PHF20: variants seen among roughly 807,000 people sequenced by gnomAD.
PHF20 encodes the protein glioma-expressed antigen 2.
PHF20 carries 23 observed loss-of-function variants against 113.5 expected under a neutral mutation model. The observed-to-expected ratio is 0.20, with a 90% CI of 0.15 to 0.29. The LOEUF (loss-of-function observed/expected upper bound fraction) is 0.29, where lower values mean the gene tolerates loss of function less well. Among genes scored for constraint, PHF20 ranks in the 10% least tolerant of loss-of-function variants. PHF20 has a pLI of 1.00. For missense variants in PHF20, 943 were observed against 1,219.6 expected, an observed-to-expected ratio of 0.77 and a Z score of 3.38; for synonymous variants, 434 against 457.3, an observed-to-expected ratio of 0.95 and a Z score of 0.65.
chr20:35,815,997 C>G (rs1403979832), intron 2 of PHF20, among the ~76,000 whole-genome samples: 2 of 152,114 alleles, frequency 1.3e-5, no homozygotes, highest in African/African-American at 2.4e-5. Flanking sequence ...CGCTCAGTCC[C>G]CCAGACTAGA....
chr20:35,775,754 C>CA (rs11167276), intron 1 of PHF20, among the ~76,000 whole-genome samples: 71,632 of 85,476 alleles, frequency 0.84, 30,130 homozygotes, highest in Admixed American at 0.89. Flanking sequence ...ACTCTGTCTC[C>CA]AAAAAAAAAA....
At chr20:35,919,182 A>G (rs1403730368) in intron 13 of PHF20, among the ~76,000 whole-genome samples, 1 of 151,592 alleles carries the variant, frequency 6.6e-6, no homozygotes, top group Non-Finnish European at 1.5e-5. Context: ...ACGCCCGGCT[A>G]ATTTTTGTAT....
In PHF20 at chr20:35,947,555, C is replaced by T. The variant is rs1253833165; in HGVS notation, c.2967C>T (p.Leu989=). The T allele has an allele frequency of 1.2e-6, 2 of 1,614,096 alleles. No homozygotes were observed. The highest frequency in any genetic ancestry group is 1.7e-6 in the Non-Finnish European group (2 of 1,179,988). The stretch of plus-strand genomic sequence containing the variant: ...AGCCGCTGGCCAGGCTTCCGCAGCT[C>T]AAGCATTGTATCAAGCAGCTGCTGA... ...PPEPLARLPQ[L]KHCIKQLLMD... Residue 989 remains leucine (L), a synonymous_variant, in exon 18 of 18, where the codon CTC becomes CTT. Transcript: ENST00000374012.
chr20:35,931,856 C>T lies in PHF20; in HGVS notation c.2300+412C>T, dbSNP rs192644171. 5.4e-3 allele frequency among the ~76,000 whole-genome samples: 815 copies of T among 151,728 alleles called. 9 individuals carry two copies. Among genetic ancestry groups the T allele is most frequent in the African/African-American group, 0.019 (779 of 41,418 alleles). ...ATCTCAGCTACTTGGGAGGCTGAGG[C>T]GGGAGCATCGCTTGAACCCGGGAGG... On this transcript the variant is annotated intron_variant, in intron 15 of 17. Coordinates refer to ENST00000374012, the MANE Select transcript of PHF20 (RefSeq NM_016436.5).
intron 13 of PHF20, among the ~76,000 whole-genome samples, chr20:35,927,368 A>G (rs1036054857): frequency 2.6e-5 from 4 of 152,220 alleles, no homozygotes; most frequent in African/African-American, 9.6e-5. Context: ...CATATGACCC[A>G]TTGAATCTTC....
intron 9 of PHF20, among the ~76,000 whole-genome samples, chr20:35,896,795 G>A (rs1479832712): frequency 4.1e-5 from 5 of 123,300 alleles, no homozygotes; most frequent in African/African-American, 6.2e-5. Context: ...GCAAGACTCC[G>A]TCTCAAAAAA....
At chr20:35,808,671 C>T (rs924954602) in intron 2 of PHF20, among the ~76,000 whole-genome samples, 3 of 151,896 alleles carry the variant, frequency 2.0e-5, no homozygotes, top group African/African-American at 4.8e-5. Context: ...CTCCTGGGTT[C>T]GTGCCATTCT....
At chr20:35,904,388 A>G (rs1054321087) in intron 10 of PHF20, among the ~76,000 whole-genome samples, 2 of 148,260 alleles carry the variant, frequency 1.3e-5, no homozygotes, top group Admixed American at 6.8e-5. Context: ...GGGTTCAAGC[A>G]ATTCTCCTGC....
At chr20:35,785,859 C>T (rs771169281) in intron 1 of PHF20, among the ~76,000 whole-genome samples, 56 of 147,876 alleles carry the variant, frequency 3.8e-4, no homozygotes, top group Non-Finnish European at 6.9e-4. Flanking sequence ...AGTGAAATCC[C>T]GTCTCTACTA....
intron 13 of PHF20, among the ~76,000 whole-genome samples, chr20:35,926,121 C>CAA (rs527440244): frequency 2.1e-4 from 15 of 72,282 alleles, no homozygotes; most frequent in Non-Finnish European, 2.9e-4. Flanking sequence ...GACTCCATCT[C>CAA]AAAAAAAAAA....
At chr20:35,904,805 T>C (rs55769965) in intron 10 of PHF20, among the ~76,000 whole-genome samples, 70 of 14,738 alleles carry the variant, frequency 4.7e-3, no homozygotes, top group Middle Eastern at 0.036. Flanking sequence ...TTCCTTCCTT[T>C]CTTTTCTTTC....
chr20:35,778,172 A>T (rs2041212635), intron 1 of PHF20, among the ~76,000 whole-genome samples: 1 of 152,084 alleles, frequency 6.6e-6, no homozygotes, highest in South Asian at 2.1e-4. Flanking sequence ...CAACCTGTGC[A>T]TCCTGAATTC....
intron 9 of PHF20, among the ~76,000 whole-genome samples, chr20:35,875,773 T>A (rs922491846): frequency 6.6e-6 from 1 of 152,196 alleles, no homozygotes; most frequent in Non-Finnish European, 1.5e-5. Context: ...TAGACGTCAC[T>A]TGAAATTTGT....
intron 15 of PHF20, among the ~76,000 whole-genome samples, chr20:35,937,936 A>G (rs1002624486): frequency 1.3e-5 from 2 of 151,982 alleles, no homozygotes; most frequent in African/African-American, 4.8e-5. Context: ...CAGTGGCGCA[A>G]TCTTGGCTCA....
intron 2 of PHF20, among the ~76,000 whole-genome samples, chr20:35,830,715 C>T (rs2042343771): frequency 6.7e-6 from 1 of 149,688 alleles, no homozygotes; most frequent in African/African-American, 2.5e-5. Flanking sequence ...CAGAAGTTTG[C>T]TTTTTTTTTC....
At chr20:35,773,172 G>C (rs1716583566) in intron 1 of PHF20, among the ~76,000 whole-genome samples, 1 of 152,096 alleles carries the variant, frequency 6.6e-6, no homozygotes, top group Non-Finnish European at 1.5e-5. Context: ...ACCCCTTTTA[G>C]TTATACAACT....
intron 9 of PHF20, chr20:35,878,547 T>C: frequency 1.4e-6 from 1 of 711,372 alleles, no homozygotes; most frequent in South Asian, 1.6e-5. Flanking sequence ...GCACCATTCG[T>C]ACTTGTTGGA....
At chr20:35,855,146 T>A in intron 4 of PHF20, 1 of 397,278 alleles carries the variant, frequency 2.5e-6, no homozygotes, top group South Asian at 3.7e-5. Context: ...CATCCCCCCA[T>A]CTCCGTCCCC....
At chr20:35,911,032 G>C (rs1170132561) in intron 10 of PHF20, among the ~76,000 whole-genome samples, 1 of 151,590 alleles carries the variant, frequency 6.6e-6, no homozygotes, top group Non-Finnish European at 1.5e-5. Context: ...GTTGCTGTTC[G>C]TACCTTTTTT....
Sources: gnomAD v4.1 joint callset for allele counts (sites outside exome capture counted in the v4.1 genomes callset) on GRCh38, gnomAD v4.1.1 for gene constraint, MANE v1.5 for transcripts, NCBI Gene and HGNC (gene_info 2026-07-23, HGNC 2026-07-21) for gene names.